Variants in DSC1 observed in about 807,000 individuals in gnomAD.
DSC1 encodes the protein desmocollin 1.
A neutral mutation model predicts 98.8 loss-of-function variants in DSC1; 79 were observed. The ratio of observed to expected loss-of-function variants is 0.80; its 90% confidence interval spans 0.67 to 0.96. The LOEUF (loss-of-function observed/expected upper bound fraction) is 0.96. Among genes scored for constraint, DSC1 ranks in the 50% least tolerant of loss-of-function variants. The pLI, the probability that DSC1 is intolerant of heterozygous loss-of-function variation, is 0.00. For synonymous variants in DSC1, 405 were observed against 372.1 expected, an observed-to-expected ratio of 1.09 and a Z score of -1.02; for missense variants, 1,115 against 1,075.9, an observed-to-expected ratio of 1.04 and a Z score of -0.51.
intron 5 of DSC1, among the ~76,000 whole-genome samples, chr18:31,154,115 A>C (rs1989049287): frequency 2.0e-5 from 3 of 152,224 alleles, no homozygotes; most frequent in African/African-American, 7.2e-5. Context: ...TATAAAATTA[A>C]CAGAAACAAA....
chr18:31,130,557 T>G lies in DSC1; in HGVS notation c.2642A>C (p.Glu881Ala), dbSNP rs1223540086. Residue 881 changes from glutamate (E) to alanine (A), a missense_variant, in exon 16 of 16, where the codon GAA becomes GCA. By Grantham distance (107) the Glu-to-Ala change is moderately radical (BLOSUM62 -1). Coordinates refer to ENST00000257198, the MANE Select transcript of DSC1 (RefSeq NM_024421.2). ...CTTTGCTAATGTCCTAAATTTGGGT[T>G]CCAGGTGATCTAGAAACTCCAGTCC... is the stretch of plus-strand genomic sequence containing the variant. ...EEGLEFLDHL[E>A]PKFRTLAKTC... 6.2e-7 allele frequency: 1 copy of G among 1,614,066 alleles called. No homozygotes were observed. The highest frequency in any genetic ancestry group is 1.3e-5 in the African/African-American group (1 of 74,934).
Position 31,159,512 on chromosome 18 carries a change from G to T in DSC1, c.81C>A (p.Cys27Ter), listed in dbSNP as rs201620880. Reference sequence around the variant, plus strand: ...GAAGATAAACTTTCTGACAAGCATCGCAAAGTAATGTTAAAACCTCAAAAA... The same window carrying T: ...GAAGATAAACTTTCTGACAAGCATCTCAAAGTAATGTTAAAACCTCAAAAA... ...LFSLLVLTLL[C>*]DACQKVYLRV... The change falls in exon 2 of 16, where the codon TGC becomes TGA. Residue 27 changes from cysteine (C) to a stop codon, truncating the protein, a stop_gained. Coordinates refer to ENST00000257198, the MANE Select transcript of DSC1 (RefSeq NM_024421.2). LOFTEE classifies it high-confidence loss of function. The T allele has an allele frequency of 1.3e-6, 2 of 1,582,118 alleles. No homozygotes were observed. Among genetic ancestry groups the T allele is most frequent in the Non-Finnish European group, 1.7e-6 (2 of 1,167,074 alleles).
At chr18:31,141,765 C>T (rs1331212202) in intron 9 of DSC1, among the ~76,000 whole-genome samples, 1 of 152,162 alleles carries the variant, frequency 6.6e-6, no homozygotes, top group African/African-American at 2.4e-5. Context: ...CAATATTTCT[C>T]TGTCTTGGTT....
chr18:31,159,367 T>A, intron 2 of DSC1, 78 bp downstream of exon 2: 2 of 1,489,804 alleles, frequency 1.3e-6, no homozygotes, highest in Non-Finnish European at 9.3e-7. Context: ...ATGTGGTTTT[T>A]ATCCCAAACT....
intron 5 of DSC1, among the ~76,000 whole-genome samples, chr18:31,152,737 T>G (rs918489769): frequency 6.6e-6 from 1 of 152,098 alleles, no homozygotes; most frequent in Non-Finnish European, 1.5e-5. Context: ...GAACAGATAC[T>G]TAGGATCTAC....
chr18:31,140,396 T>C (rs1197928300), intron 9 of DSC1, 95 bp from the exon 10 acceptor site: 1 of 1,308,916 alleles, frequency 7.6e-7, no homozygotes, highest in East Asian at 2.5e-5. Flanking sequence ...CATTTTTACA[T>C]TTAAAATGTA....
chr18:31,149,670 A>C (rs1383627902), intron 5 of DSC1, among the ~76,000 whole-genome samples: 2 of 152,150 alleles, frequency 1.3e-5, no homozygotes, highest in Non-Finnish European at 2.9e-5. Context: ...CACGATACTC[A>C]CTAATCAGAC....
chr18:31,159,051 T>TG (rs751566483), intron 2 of DSC1, among the ~76,000 whole-genome samples: 1 of 88,136 alleles, frequency 1.1e-5, no homozygotes, highest in African/African-American at 4.4e-5. Context: ...TATGTGGTTT[T>TG]TTTTTTTTTT....
chr18:31,141,919 T>C (rs12455973), intron 9 of DSC1, 80 bp downstream of exon 9: 300,901 of 1,388,860 alleles, frequency 0.22, 38,265 homozygotes, highest in East Asian at 0.57. Flanking sequence ...TCTAGTCATA[T>C]ACATATAAGA....
rs1989172168 is a variant in DSC1 at position 31,159,540 on chromosome 18, A to AAG, written c.64-12_64-11insCT. On this transcript the variant is annotated splice_polypyrimidine_tract_variant and intron_variant, in intron 1 of 15. Coordinates refer to ENST00000257198, the MANE Select transcript of DSC1 (RefSeq NM_024421.2). ...AAGTAATGTTAAAACCTCAAAAAAA[A>AAG]AAAAAGAAAAAATATCAGGAATTAA... is the stretch of plus-strand genomic sequence containing the variant. 6.3e-7 allele frequency: 1 copy of AAG among 1,585,696 alleles called. No homozygotes were observed. The highest frequency in any genetic ancestry group is 8.5e-7 in the Non-Finnish European group (1 of 1,171,188).
At position 31,159,828 on chromosome 18, in the gene DSC1, C is replaced by T. The variant is rs549895603; in HGVS notation, c.64-299G>A. 8.0e-4 allele frequency among the ~76,000 whole-genome samples: 122 copies of T among 152,202 alleles called. 1 individual carries two copies. Among genetic ancestry groups the T allele is most frequent in the Non-Finnish European group, 1.6e-3 (107 of 68,006 alleles). On this transcript the variant is annotated intron_variant, in intron 1 of 15. Coordinates refer to ENST00000257198, the MANE Select transcript of DSC1 (RefSeq NM_024421.2). ...CCATTGACTTTATATAGAAGTTATA[C>T]GTCTCTAAGACCATTCATAAATGCC...
chr18:31,130,856 A>G, intron 15 of DSC1, 145 bp from the exon 16 acceptor site: 1 of 1,606,548 alleles, frequency 6.2e-7, no homozygotes, highest in Non-Finnish European at 8.5e-7. Flanking sequence ...TAAAAAATGC[A>G]CAGGATTGGT....
At chr18:31,139,010 ATTT>A (rs1166496161) in intron 11 of DSC1, among the ~76,000 whole-genome samples, 1 of 151,976 alleles carries the variant, frequency 6.6e-6, no homozygotes, top group Non-Finnish European at 1.5e-5. Flanking sequence ...TGTTTTGTAT[ATTT>A]TTATGATGTA....
At chr18:31,160,723 G>C (rs1989192711) in intron 1 of DSC1, among the ~76,000 whole-genome samples, 1 of 152,082 alleles carries the variant, frequency 6.6e-6, no homozygotes, top group Non-Finnish European at 1.5e-5. Flanking sequence ...TATACTTAAA[G>C]AACTTTCTAA....
intron 13 of DSC1, 54 bp from the exon 14 acceptor site, chr18:31,132,743 A>C: frequency 7.9e-6 from 12 of 1,526,418 alleles, no homozygotes; most frequent in Non-Finnish European, 1.1e-5. Flanking sequence ...ATTTGATTAC[A>C]TGATTTTTTA....
Position 31,133,942 on chromosome 18 carries a change from G to A in DSC1, c.2065C>T (p.Leu689Phe). The change falls in exon 13 of 16, where the codon CTT (leucine) becomes TTT (phenylalanine). Residue 689 changes from leucine to phenylalanine, a missense_variant. Leu to Phe is a conservative substitution (Grantham distance 22). Coordinates refer to ENST00000257198, the MANE Select transcript of DSC1 (RefSeq NM_024421.2). ...ATAGCAAGAATAGCCCATCTTCCAAGTATTACATTTGGTCTAACGTCTCTT... is the reference window on the plus strand; with the variant it reads ...ATAGCAAGAATAGCCCATCTTCCAAATATTACATTTGGTCTAACGTCTCTT... Reference protein sequence around the residue: ...STRDVRPNVILGRWAILAMVL... With the variant: ...STRDVRPNVIFGRWAILAMVL... 1.9e-6 allele frequency: 3 copies of A among 1,613,120 alleles called. No individual in the cohort carries two copies. Among genetic ancestry groups the A allele is most frequent in the South Asian group, 1.1e-5 (1 of 91,042 alleles).
intron 9 of DSC1, 128 bp from the exon 10 acceptor site, chr18:31,140,429 G>T: frequency 1.0e-6 from 1 of 956,160 alleles, no homozygotes; most frequent in Non-Finnish European, 1.4e-6. Flanking sequence ...GTCTAATACA[G>T]TTAAAGACCA....
chr18:31,156,038 T>C lies in DSC1; in HGVS notation c.471+5A>G, dbSNP rs756425771. On this transcript the variant is annotated splice_donor_5th_base_variant and intron_variant, in intron 4 of 15. Transcript: ENST00000257198. ...CACATATAAAATCAAATAAGTGAAA[T>C]GCACCTGCTGAACGTGTTGTGGAAA... The C allele has an allele frequency of 1.9e-6, 3 of 1,608,264 alleles. No homozygotes were observed. Among genetic ancestry groups the C allele is most frequent in the Non-Finnish European group, 2.5e-6 (3 of 1,178,642 alleles).
rs984767344 is a variant in DSC1, at chr18:31,130,109, C to A, written c.*405G>T. On this transcript the variant is annotated 3_prime_UTR_variant, in exon 16 of 16. Transcript: ENST00000257198. ...CCAACTATGTTCTAAGAACATAATT[C>A]TCCCCAAGATTTTGAAGAACATATT... 6.0e-6 allele frequency: 1 copy of A among 166,530 alleles called. No individual in the cohort carries two copies. Among genetic ancestry groups the A allele is most frequent in the Non-Finnish European group, 1.3e-5 (1 of 76,836 alleles). The allele number at this position is 166,530 out of a possible 1,614,324, so 10.3% of individuals were successfully genotyped here.
Sources: allele counts gnomAD v4.1 joint callset (sites outside exome capture counted in the v4.1 genomes callset), GRCh38; gene constraint gnomAD v4.1.1; transcripts MANE v1.5; gene names NCBI Gene and HGNC (gene_info 2026-07-23, HGNC 2026-07-21).